Variants in DNAH12 observed in about 807,000 individuals in gnomAD.
DNAH12 encodes dynein axonemal heavy chain 12.
Under a neutral mutation model 371.5 loss-of-function variants are expected in DNAH12, and 285 were observed. That is an observed-to-expected ratio of 0.77 (90% confidence interval 0.70 to 0.85). DNAH12 has a LOEUF of 0.85. Ranked by LOEUF, DNAH12 falls within the 40% of genes least tolerant of loss-of-function variation. The probability of loss-of-function intolerance (pLI) is 0.00; values close to 1 mark genes in which losing one functional copy is unlikely to be tolerated. For missense variants in DNAH12, 3,611 were observed against 3,689.4 expected, an observed-to-expected ratio of 0.98 and a Z score of 0.55; for synonymous variants, 1,200 against 1,213.0, an observed-to-expected ratio of 0.99 and a Z score of 0.22.
Position 57,445,239 on chromosome 3 carries a change from T to C in DNAH12, c.4360A>G (p.Lys1454Glu). ...TTGCCAGCAGCCACTAAAACGGCTT[T>C]TACTGCTCGCATTCCATAGTCGTAA... is the stretch of plus-strand genomic sequence containing the variant. Reference protein sequence around the residue: ...FHYDYGMRAVKAVLVAAGNLK... With the variant: ...FHYDYGMRAVEAVLVAAGNLK... The change falls in exon 28 of 74, where the codon AAA (lysine) becomes GAA (glutamate). Residue 1454 changes from lysine (K) to glutamate (E), a missense_variant. Around this residue, in one of 3 missense-constraint regions of DNAH12, gnomAD observed 2,266 missense variants for 2,236.9 expected, o/e 1.01. Coordinates refer to ENST00000495027, the MANE Select transcript of DNAH12 (RefSeq NM_001366028.2). 1.3e-6 allele frequency: 2 copies of C among 1,551,226 alleles called. No individual in the cohort carries two copies. Among genetic ancestry groups the C allele is most frequent in the Non-Finnish European group, 1.7e-6 (2 of 1,146,718 alleles).
intron 62 of DNAH12, among the ~76,000 whole-genome samples, chr3:57,324,727 G>C (rs1013520650): frequency 6.6e-6 from 1 of 152,230 alleles, no homozygotes; most frequent in African/African-American, 2.4e-5. Context: ...GCGCAGGTCA[G>C]TGGGTGCAGC....
intron 4 of DNAH12, among the ~76,000 whole-genome samples, chr3:57,522,417 T>C (rs1474190938): frequency 6.6e-6 from 1 of 152,114 alleles, no homozygotes; most frequent in Admixed American, 6.5e-5. Flanking sequence ...AAATATTAAA[T>C]ACATTTGGCA....
At chr3:57,344,766 G>C (rs555240571) in intron 60 of DNAH12, among the ~76,000 whole-genome samples, 49 of 152,240 alleles carry the variant, frequency 3.2e-4, no homozygotes, top group Non-Finnish European at 6.3e-4. Context: ...GTAAAAAGTA[G>C]AACAGAGTAT....
chr3:57,309,923 T>G (rs1034018422), intron 67 of DNAH12, 69 bp from the exon 68 acceptor site: 280 of 1,328,054 alleles, frequency 2.1e-4, no homozygotes, highest in Non-Finnish European at 2.3e-4. Context: ...CAGGATACGC[T>G]ACTCCAAAAT....
In DNAH12 at chr3:57,342,669, AAAAG is replaced by A. The variant is rs1382820203; in HGVS notation, c.9675-7733_9675-7730del. On this transcript the variant is annotated intron_variant, in intron 60 of 73. Transcript: ENST00000495027. Reference sequence around the variant, plus strand: ...TGAGACTCAAAAAAAAAAAAAAAAAAAAAGGAAAGAAAAGAAAATATTTGTAAAC... The same window carrying A: ...TGAGACTCAAAAAAAAAAAAAAAAAAGAAAGAAAAGAAAATATTTGTAAAC... 2.0e-5 allele frequency among the ~76,000 whole-genome samples: 3 copies of A among 150,150 alleles called. No homozygotes were observed. The East Asian group carries it at 5.8e-4, about 29-fold the overall frequency.
intron 66 of DNAH12, among the ~76,000 whole-genome samples, chr3:57,314,115 A>G (rs1268314311): frequency 2.6e-5 from 4 of 152,196 alleles, no homozygotes; most frequent in African/African-American, 9.7e-5. Flanking sequence ...AGACTTGACC[A>G]AGTGGAGGAA....
intron 11 of DNAH12, among the ~76,000 whole-genome samples, chr3:57,493,169 T>G (rs2067190349): frequency 6.6e-6 from 1 of 152,114 alleles, no homozygotes; most frequent in South Asian, 2.1e-4. Context: ...AGCACTATAT[T>G]GAGATATATG....
rs116263266 is a variant in DNAH12, at chr3:57,413,926, G to A, written c.5854-14C>T. ...CATGATAATGTTCTAAAATATGAAG[G>A]AAGAATGGTATATTTACCTATAATT... On this transcript the variant is annotated splice_polypyrimidine_tract_variant and intron_variant, in intron 38 of 73. Coordinates refer to ENST00000495027, the MANE Select transcript of DNAH12 (RefSeq NM_001366028.2). 0.028 allele frequency: 43,765 copies of A among 1,546,406 alleles called. 717 individuals carry two copies. The highest frequency in any genetic ancestry group is 0.034 in the Middle Eastern group (202 of 5,874).
At chr3:57,294,994 C>CA (rs2061203709) in intron 73 of DNAH12, among the ~76,000 whole-genome samples, 1 of 151,516 alleles carries the variant, frequency 6.6e-6, no homozygotes, top group Non-Finnish European at 1.5e-5. Context: ...CTTTTTTTTC[C>CA]AGACTTGTAG....
At chr3:57,469,052 T>C (rs1396263770) in intron 16 of DNAH12, 73 bp from the exon 17 acceptor site, 1 of 1,388,818 alleles carries the variant, frequency 7.2e-7, no homozygotes, top group Non-Finnish European at 9.6e-7. Context: ...TCCTTTAGGC[T>C]AGACCCCTTG....
At position 57,300,862 on chromosome 3, in the gene DNAH12, G is replaced by T. The variant is rs140138721; in HGVS notation, c.11394+873C>A. Among the ~76,000 whole-genome samples, 906 of 152,202 alleles carry T rather than the reference G, an allele frequency of 6.0e-3. 8 individuals are homozygous for T. Among genetic ancestry groups the T allele is most frequent in the African/African-American group, 0.021 (876 of 41,504 alleles). The stretch of plus-strand genomic sequence containing the variant: ...CCTTCATAAACATCAACCATAGAAT[G>T]GGGGCAGGCAGTGGAGTTGAGAAGG... On this transcript the variant is annotated intron_variant, in intron 70 of 73. Transcript: ENST00000495027.
At position 57,458,226 on chromosome 3, in the gene DNAH12, C is replaced by T. The variant is rs370187590; in HGVS notation, c.2932-6G>A. The T allele has an allele frequency of 1.7e-4, 269 of 1,541,472 alleles. No homozygotes were observed. The highest frequency in any genetic ancestry group is 1.3e-3 in the African/African-American group (96 of 72,434). ...AAAGAAGTGGCAGCAAGAACCTAAA[C>T]GAGACACATGCATTCAAGTCAGCAC... On this transcript the variant is annotated splice_polypyrimidine_tract_variant and splice_region_variant and intron_variant, in intron 20 of 73. Coordinates refer to ENST00000495027, the MANE Select transcript of DNAH12 (RefSeq NM_001366028.2).
At chr3:57,486,342 G>A (rs541391126) in intron 12 of DNAH12, among the ~76,000 whole-genome samples, 6 of 152,196 alleles carry the variant, frequency 3.9e-5, no homozygotes, top group African/African-American at 1.4e-4. Flanking sequence ...GGCTGAGGTA[G>A]GAGGATCTCT....
At chr3:57,544,964 A>G (rs932282725), upstream of DNAH12, among the ~76,000 whole-genome samples, 7 of 151,066 alleles carry the variant, frequency 4.6e-5, no homozygotes, top group Non-Finnish European at 7.4e-5. Flanking sequence ...ATATTTGAGC[A>G]CCTTCTATGT....
intron 11 of DNAH12, among the ~76,000 whole-genome samples, chr3:57,498,803 T>A (rs2067404719): frequency 6.6e-6 from 1 of 151,964 alleles, no homozygotes; most frequent in Admixed American, 6.6e-5. Flanking sequence ...GTCGAGACCA[T>A]CCTGGCTAAC....
intron 25 of DNAH12, among the ~76,000 whole-genome samples, chr3:57,448,348 GTTC>G (rs2065602170): frequency 1.3e-5 from 2 of 152,048 alleles, no homozygotes; most frequent in Non-Finnish European, 1.5e-5. Flanking sequence ...GTCTGGACTT[GTTC>G]ATTCCTCCTG....
intron 64 of DNAH12, 101 bp downstream of exon 64, chr3:57,322,906 G>A: frequency 7.0e-7 from 1 of 1,430,374 alleles, no homozygotes; most frequent in Non-Finnish European, 9.3e-7. Flanking sequence ...CTCCAGCCTG[G>A]GAGACAGAGT....
intron 34 of DNAH12, among the ~76,000 whole-genome samples, chr3:57,426,055 G>A (rs575277913): frequency 1.6e-4 from 24 of 152,256 alleles, no homozygotes; most frequent in Middle Eastern, 3.4e-3. Flanking sequence ...AGTAATAATA[G>A]CTGAGCTGAA....
chr3:57,361,444 C>CACACTATATATATATATACA lies in DNAH12; in HGVS notation c.9360+2149_9360+2150insTGTATATATATATATAGTGT, dbSNP rs1409626573. ...CACTATATATATATACACACACACA[C>CACACTATATATATATATACA]TATATATATATATATATATATATAT... On this transcript the variant is annotated intron_variant, in intron 58 of 73. Coordinates refer to ENST00000495027, the MANE Select transcript of DNAH12 (RefSeq NM_001366028.2). Among the ~76,000 whole-genome samples the CACACTATATATATATATACA allele has an allele frequency of 3.3e-4, 39 of 116,694 alleles. No individual in the cohort carries two copies. The Middle Eastern group carries it at 0.018, about 54-fold the overall frequency. The allele number at this position is 116,694 out of a possible 152,430, so 76.6% of individuals were successfully genotyped here.
Sources: allele counts gnomAD v4.1 joint callset (sites outside exome capture counted in the v4.1 genomes callset), GRCh38; gene constraint gnomAD v4.1.1; regional missense constraint gnomAD v4.1.1; transcripts MANE v1.5; gene names NCBI Gene and HGNC (gene_info 2026-07-23, HGNC 2026-07-21).